TLL1: variants seen among roughly 807,000 people sequenced by gnomAD.
TLL1 encodes the protein tolloid-like protein 1.
TLL1 carries 49 observed loss-of-function variants against 128.2 expected under a neutral mutation model. The ratio of observed to expected loss-of-function variants is 0.38; its 90% CI spans 0.30 to 0.48. The LOEUF is 0.48. TLL1 is among the 20% of genes least tolerant of loss of function. TLL1 has a pLI of 0.96. For synonymous variants in TLL1, 454 were observed against 418.8 expected (o/e 1.08, Z -1.03); for missense variants, 1,123 against 1,242.0 (o/e 0.90, Z 1.44).
Position 166,065,758 on chromosome 4 carries a change from G to A in TLL1, c.2083G>A (p.Ala695Thr), listed in dbSNP as rs150316679. The A allele has an allele frequency of 4.2e-4, 677 of 1,613,004 alleles. 2 individuals carry two copies. In the Middle Eastern group the frequency reaches 7.6e-3, roughly 18 times the overall value. The part of the protein sequence containing the change: ...ESKLHGKFCG[A>T]EVPEVITSQF... ...TAAACTGCATGGCAAATTCTGTGGC[G>A]CTGAAGTGCCTGAAGTGATCACATC... Residue 695 changes from alanine (A) to threonine (T), a missense_variant, in exon 16 of 21, where the codon GCT becomes ACT. Physicochemically the swap from Ala to Thr is moderately conservative, Grantham distance 58. Around this residue, in one of 3 missense-constraint regions of TLL1, gnomAD observed 634 missense variants for 672.4 expected, o/e 0.94. Transcript: ENST00000061240.
Position 166,052,965 on chromosome 4 carries a change from G to GTGTATA in TLL1, c.1525-2110_1525-2109insGTATAT. On this transcript the variant is annotated intron_variant, in intron 12 of 20. Coordinates refer to ENST00000061240, the MANE Select transcript of TLL1 (RefSeq NM_012464.5). ...TAAAGACTGAGATAAGAGGTTATGT[G>GTGTATA]TATATATATATATATATTTGGCCAA... Among the ~76,000 whole-genome samples, 37 of 99,634 alleles carry GTGTATA rather than the reference G, an allele frequency of 3.7e-4. 1 individual carries two copies. The highest frequency in any genetic ancestry group is 9.4e-4 in the East Asian group (3 of 3,190). The allele number at this position is 99,634 out of a possible 152,430, so 65.4% of individuals were successfully genotyped here. A position where few individuals can be genotyped will look rare whatever the true frequency, so the allele number is the denominator to read the frequency against.
chr4:165,898,664 C>G (rs57418433), intron 1 of TLL1, among the ~76,000 whole-genome samples: 1 of 152,148 alleles, frequency 6.6e-6, no homozygotes, highest in Non-Finnish European at 1.5e-5. Context: ...CATTGATGTT[C>G]ATCAGGGATA....
chr4:166,078,751 C>T (rs1741150315), intron 18 of TLL1, among the ~76,000 whole-genome samples: 2 of 151,958 alleles, frequency 1.3e-5, no homozygotes, highest in Admixed American at 6.6e-5. Context: ...CAATTTCCTG[C>T]AATATGTTGT....
intron 18 of TLL1, among the ~76,000 whole-genome samples, chr4:166,079,255 T>C (rs1741178966): frequency 6.6e-6 from 1 of 152,202 alleles, no homozygotes; most frequent in Non-Finnish European, 1.5e-5. Flanking sequence ...AAGGCGTTCA[T>C]TTTCTTAAGA....
chr4:166,099,633 A>G, intron 20 of TLL1, 106 bp downstream of exon 20: 1 of 1,483,134 alleles, frequency 6.7e-7, no homozygotes, highest in Non-Finnish European at 9.2e-7. Flanking sequence ...TTGCAAAAAA[A>G]AAAAAAAAAG....
At chr4:165,932,487 C>T (rs1352498897) in intron 1 of TLL1, among the ~76,000 whole-genome samples, 1 of 152,136 alleles carries the variant, frequency 6.6e-6, no homozygotes, top group Non-Finnish European at 1.5e-5. Context: ...ATAAGGATGA[C>T]TTATAAATCC....
chr4:165,884,074 A>G (rs1476662739), intron 1 of TLL1, among the ~76,000 whole-genome samples: 1 of 152,220 alleles, frequency 6.6e-6, no homozygotes, highest in Non-Finnish European at 1.5e-5. Flanking sequence ...TCTAAACTAC[A>G]AATATTCATT....
At chr4:165,900,224 G>A (rs528789979) in intron 1 of TLL1, among the ~76,000 whole-genome samples, 4 of 152,046 alleles carry the variant, frequency 2.6e-5, no homozygotes, top group African/African-American at 9.6e-5. Context: ...GGGGCATTTA[G>A]CCTGTTTACA....
intron 1 of TLL1, among the ~76,000 whole-genome samples, 158 bp downstream of exon 1, chr4:165,874,231 C>G (rs984879418): frequency 8.6e-5 from 13 of 151,990 alleles, no homozygotes; most frequent in Non-Finnish European, 5.9e-5. Context: ...CTTCCCCACC[C>G]GCAAGTGGCA....
At chr4:165,930,225 G>A (rs1458082456) in intron 1 of TLL1, among the ~76,000 whole-genome samples, 1 of 152,152 alleles carries the variant, frequency 6.6e-6, no homozygotes, top group East Asian at 1.9e-4. Flanking sequence ...GGTGAGAGGA[G>A]GGGGAGGTAT....
intron 8 of TLL1, among the ~76,000 whole-genome samples, chr4:166,017,104 A>T (rs912902261): frequency 6.6e-6 from 1 of 152,014 alleles, no homozygotes; most frequent in Non-Finnish European, 1.5e-5. Context: ...CCTCCCCTCT[A>T]GTAGTCCATA....
chr4:165,995,229 A>G (rs1016175558), intron 5 of TLL1, 51 bp downstream of exon 5: 4 of 1,278,366 alleles, frequency 3.1e-6, no homozygotes, highest in Non-Finnish European at 4.6e-6. Context: ...AATTAAAAGG[A>G]AAACAATTAA....
chr4:166,038,176 TATTG>T (rs1396505318), intron 9 of TLL1, among the ~76,000 whole-genome samples: 3 of 152,148 alleles, frequency 2.0e-5, no homozygotes, highest in African/African-American at 7.2e-5. Context: ...ATGGATTCAG[TATTG>T]ATTATGTTTT....
chr4:166,059,920 A>G (rs1298763028), intron 14 of TLL1, 108 bp from the exon 15 acceptor site: 2 of 1,326,102 alleles, frequency 1.5e-6, no homozygotes, highest in African/African-American at 2.9e-5. Context: ...AATCCAGAAG[A>G]TAGTTGAAAT....
At chr4:165,927,813 G>C (rs745686109) in intron 1 of TLL1, among the ~76,000 whole-genome samples, 16 of 152,152 alleles carry the variant, frequency 1.1e-4, no homozygotes, top group Non-Finnish European at 1.9e-4. Context: ...AGCCCTCCAC[G>C]ACAAAGAAAT....
intron 1 of TLL1, among the ~76,000 whole-genome samples, chr4:165,918,809 G>T (rs1187552322): frequency 6.6e-6 from 1 of 152,024 alleles, no homozygotes; most frequent in Non-Finnish European, 1.5e-5. Context: ...GCCTGGTTTT[G>T]GTGGATGACC....
At position 165,957,493 on chromosome 4, in the gene TLL1, A is replaced by G. The variant is rs556687501; in HGVS notation, c.170-31888A>G. 1.3e-4 allele frequency among the ~76,000 whole-genome samples: 19 copies of G among 151,822 alleles called. No individual in the cohort carries two copies. In the South Asian group the frequency reaches 3.7e-3, roughly 30 times the overall value. ...TGGATTTTTTTTTTTACCTTTTTAAATGTAATTTATTTATTTACTTTTATT... is the reference window on the plus strand; with the variant it reads ...TGGATTTTTTTTTTTACCTTTTTAAGTGTAATTTATTTATTTACTTTTATT... On this transcript the variant is annotated intron_variant, in intron 1 of 20. Coordinates refer to ENST00000061240, the MANE Select transcript of TLL1 (RefSeq NM_012464.5).
intron 1 of TLL1, among the ~76,000 whole-genome samples, chr4:165,914,213 A>T (rs1357565031): frequency 6.6e-6 from 1 of 152,120 alleles, no homozygotes; most frequent in African/African-American, 2.4e-5. Context: ...CGTGTGAAAA[A>T]TATTCTTATG....
At chr4:166,087,809 C>G (rs546211411) in intron 18 of TLL1, among the ~76,000 whole-genome samples, 1 of 152,160 alleles carries the variant, frequency 6.6e-6, no homozygotes, top group African/African-American at 2.4e-5. Context: ...CTTGGGTGTT[C>G]CAGAAATAAA....
Sources: allele counts gnomAD v4.1 joint callset (sites outside exome capture counted in the v4.1 genomes callset), GRCh38; gene constraint gnomAD v4.1.1; regional missense constraint gnomAD v4.1.1; transcripts MANE v1.5; gene names NCBI Gene and HGNC (gene_info 2026-07-23, HGNC 2026-07-21).